SLC12A3: variants seen among roughly 807,000 people sequenced by gnomAD.
The protein encoded by SLC12A3 is solute carrier family 12 member 3, also known as Na-Cl cotransporter.
Under a neutral mutation model 121.0 loss-of-function variants are expected in SLC12A3, and 104 were observed. The observed-to-expected ratio is 0.86, with a 90% CI of 0.73 to 1.01. SLC12A3 has a LOEUF of 1.01. SLC12A3 is among the 50% of genes least tolerant of loss of function. The pLI is 0.00. For synonymous variants in SLC12A3, 536 were observed against 533.4 expected (o/e 1.00, Z -0.07); for missense variants, 1,328 against 1,356.3 (o/e 0.98, Z 0.33).
In SLC12A3 at chr16:56,915,400, T is replaced by C. The variant is rs1023957674; in HGVS notation, c.*1995T>C. On this transcript the variant is annotated 3_prime_UTR_variant, in exon 26 of 26. Transcript: ENST00000563236. ...GTTAGCATTTCTCAGGTCATCCCAC[T>C]GCAAAGCCCAGAAGGCTTGGGGCTC... The C allele has an allele frequency of 7.2e-5, 11 of 152,228 alleles. No homozygotes were observed. The highest frequency in any genetic ancestry group is 8.8e-5 in the Non-Finnish European group (6 of 68,048). The allele number at this position is 152,228 out of a possible 1,614,324, so 9.4% of individuals were successfully genotyped here.
chr16:56,883,437 C>A (rs545353631), intron 13 of SLC12A3, among the ~76,000 whole-genome samples: 2 of 151,840 alleles, frequency 1.3e-5, no homozygotes, highest in Admixed American at 6.6e-5. Context: ...CCCACCACCA[C>A]GCCCAGCTAA....
At position 56,905,136 on chromosome 16, in the gene SLC12A3, T is replaced by A. The variant is rs141503691; in HGVS notation, c.2924+674T>A. Reference sequence around the variant, plus strand: ...GGGCAGATCACCTGAGGTCGGGAGGTCGAGACCAGCCTGACCAACATGGAG... The same window carrying A: ...GGGCAGATCACCTGAGGTCGGGAGGACGAGACCAGCCTGACCAACATGGAG... On this transcript the variant is annotated intron_variant, in intron 25 of 25. Transcript: ENST00000563236. Among the ~76,000 whole-genome samples, 1,014 of 150,938 alleles carry A rather than the reference T, an allele frequency of 6.7e-3. 14 individuals carry two copies. Among genetic ancestry groups the A allele is most frequent in the African/African-American group, 0.023 (950 of 41,066 alleles).
intron 24 of SLC12A3, 132 bp downstream of exon 24, chr16:56,902,640 C>G: frequency 8.9e-7 from 1 of 1,124,212 alleles, no homozygotes. Flanking sequence ...CCTGAGGTAT[C>G]CTCAAGCCAC....
chr16:56,911,548 C>A (rs1291619219), intron 25 of SLC12A3, among the ~76,000 whole-genome samples: 6 of 152,160 alleles, frequency 3.9e-5, no homozygotes, highest in African/African-American at 1.4e-4. Context: ...TGGTCTCAAA[C>A]TCCTGGGCTC....
chr16:56,871,809 GC>G (rs2055100802), intron 6 of SLC12A3, among the ~76,000 whole-genome samples: 1 of 151,930 alleles, frequency 6.6e-6, no homozygotes, highest in Non-Finnish European at 1.5e-5. Context: ...TGCAACCTCC[GC>G]CTCCTCGTCT....
At chr16:56,907,272 A>G (rs2055620562) in intron 25 of SLC12A3, among the ~76,000 whole-genome samples, 1 of 152,196 alleles carries the variant, frequency 6.6e-6, no homozygotes, top group African/African-American at 2.4e-5. Context: ...CCTGGCCAAC[A>G]TGGTGAAACC....
chr16:56,882,524 G>C (rs1567435058), intron 13 of SLC12A3, 27 bp downstream of exon 13: 1 of 1,572,372 alleles, frequency 6.4e-7, no homozygotes, highest in South Asian at 1.1e-5. Flanking sequence ...CCCACCTCAG[G>C]AGGAGGCACC....
In SLC12A3 at chr16:56,893,069, TG is replaced by T. The variant is rs1453478907; in HGVS notation, c.2521+17del. On this transcript the variant is annotated intron_variant, in intron 21 of 25. Coordinates refer to ENST00000563236, the MANE Select transcript of SLC12A3 (RefSeq NM_001126108.2). Reference sequence around the variant, plus strand: ...TGACGATGGAGGTCAGTGACCCCCTTGGATCAGCCCTCCTGCCCGGCGGGGG... The same window carrying T: ...TGACGATGGAGGTCAGTGACCCCCTTGATCAGCCCTCCTGCCCGGCGGGGG... 6.2e-7 allele frequency: 1 copy of T among 1,606,018 alleles called. No homozygotes were observed. The highest frequency in any genetic ancestry group is 2.2e-5 in the East Asian group (1 of 44,820).
chr16:56,893,816 C>T (rs927245145), intron 21 of SLC12A3, among the ~76,000 whole-genome samples: 7 of 152,082 alleles, frequency 4.6e-5, no homozygotes, highest in East Asian at 1.9e-4. Flanking sequence ...CTTACTTTGT[C>T]GCCCAGGCTG....
chr16:56,870,228 T>C lies in SLC12A3; in HGVS notation c.734T>C (p.Leu245Pro), dbSNP rs777084341. 6 of 1,613,332 alleles carry C rather than the reference T, an allele frequency of 3.7e-6. No individual in the cohort carries two copies. Among genetic ancestry groups the C allele is most frequent in the East Asian group, 2.2e-5 (1 of 44,892 alleles). ...TVGFAETVRD[L>P]LQEYGAPIVD... is the part of the protein sequence containing the mutation. ...GGCTTTGCAGAGACCGTGCGGGACC[T>C]GCTCCAGGTGAGGCCGGGGGGCTGG... Residue 245 changes from leucine to proline, a missense_variant, in exon 5 of 26, where the codon CTG (leucine) becomes CCG (proline). By Grantham distance (98) the Leu-to-Pro change is moderately conservative (BLOSUM62 -3). Transcript: ENST00000563236.
Position 56,911,499 on chromosome 16 carries a change from A to AT in SLC12A3, c.2925-1759dup, listed in dbSNP as rs746611956. ...GCCATCATGCCCAGCTAATTTTTCTATTTTTTGTAAAGACAGGGTCTCACC... is the reference window on the plus strand; with the variant it reads ...GCCATCATGCCCAGCTAATTTTTCTATTTTTTTGTAAAGACAGGGTCTCACC... On this transcript the variant is annotated intron_variant, in intron 25 of 25. Transcript: ENST00000563236. 2.6e-5 allele frequency among the ~76,000 whole-genome samples: 4 copies of AT among 151,688 alleles called. No homozygotes were observed. In the East Asian group the frequency reaches 5.8e-4, roughly 22 times the overall value.
chr16:56,906,193 C>T (rs1464667391), intron 25 of SLC12A3, among the ~76,000 whole-genome samples: 1 of 152,210 alleles, frequency 6.6e-6, no homozygotes. Flanking sequence ...TATTTTCCCC[C>T]TACTTCTGTT....
chr16:56,885,150 C>G, intron 14 of SLC12A3, 115 bp from the exon 15 acceptor site: 1 of 747,408 alleles, frequency 1.3e-6, no homozygotes. Context: ...GCCCTGCTCC[C>G]ACGGGTGCCC....
rs886052156 is a variant in SLC12A3 at position 56,867,073 on chromosome 16, G to A, written c.286G>A (p.Glu96Lys). The change falls in exon 2 of 26, where the codon GAA becomes AAA. Residue 96 changes from glutamate (E) to lysine (K), a missense_variant. Transcript: ENST00000563236. ...LADLHSFLKQ[E>K]GRHLHALAFD... Reference sequence around the variant, plus strand: ...CTTGTGGTCTCTGGGCTGCCAGCAGGAAGGCAGACACCTGCATGCCCTGGC... The same window carrying A: ...CTTGTGGTCTCTGGGCTGCCAGCAGAAAGGCAGACACCTGCATGCCCTGGC... 1.2e-6 allele frequency: 2 copies of A among 1,612,730 alleles called. No individual in the cohort carries two copies. The highest frequency in any genetic ancestry group is 1.7e-6 in the Non-Finnish European group (2 of 1,180,026).
In SLC12A3 at chr16:56,912,076, G is replaced by A. The variant is rs138696161; in HGVS notation, c.2925-1188G>A. On this transcript the variant is annotated intron_variant, in intron 25 of 25. Transcript: ENST00000563236. ...CTCAGCGCTCCAGCATCCTCCTCCC[G>A]CCCCAGTTCTCCCACCTGTGAAGGA... 8.0e-3 allele frequency among the ~76,000 whole-genome samples: 1,215 copies of A among 152,346 alleles called. 4 individuals are homozygous for A. Among genetic ancestry groups the A allele is most frequent in the Non-Finnish European group, 0.014 (927 of 68,028 alleles).
intron 25 of SLC12A3, chr16:56,906,584 A>G: frequency 3.3e-6 from 1 of 298,968 alleles, no homozygotes; most frequent in Non-Finnish European, 6.3e-6. Flanking sequence ...CCAACTGACT[A>G]CTTCAGAGGA....
chr16:56,869,832 A>G lies in SLC12A3; in HGVS notation c.601+8A>G, dbSNP rs1406338833. 1.2e-6 allele frequency: 2 copies of G among 1,612,080 alleles called. No homozygotes were observed. Among genetic ancestry groups the G allele is most frequent in the Non-Finnish European group, 1.7e-6 (2 of 1,178,314 alleles). On this transcript the variant is annotated splice_region_variant and intron_variant, in intron 4 of 25. Transcript: ENST00000563236. ...ATGGCAAGGTCAAGTCAGGTGGGCC[A>G]TCCCCCTTTCCACCAAGGCCCTCCT...
At chr16:56,870,798 G>A in intron 6 of SLC12A3, 62 bp downstream of exon 6, 1 of 983,008 alleles carries the variant, frequency 1.0e-6, no homozygotes, top group African/African-American at 1.6e-5. Flanking sequence ...GGGGTTGCCA[G>A]GCCTGGGCCC....
chr16:56,913,356 T>C lies in SLC12A3; in HGVS notation c.3017T>C (p.Ile1006Thr), dbSNP rs1381710883. ...TLSQDLRPPV[I>T]LIRGNQENVL... Reference sequence around the variant, plus strand: ...TCCCAGGACCTCAGACCTCCAGTCATCCTGATCCGAGGAAACCAGGAAAAC... The same window carrying C: ...TCCCAGGACCTCAGACCTCCAGTCACCCTGATCCGAGGAAACCAGGAAAAC... Residue 1006 changes from isoleucine (I) to threonine (T), a missense_variant, in exon 26 of 26, where the codon ATC (isoleucine) becomes ACC (threonine). By Grantham distance (89) the Ile-to-Thr change is moderately conservative. Coordinates refer to ENST00000563236, the MANE Select transcript of SLC12A3 (RefSeq NM_001126108.2). The C allele has an allele frequency of 1.2e-6, 2 of 1,614,196 alleles. No homozygotes were observed. The highest frequency in any genetic ancestry group is 2.2e-5 in the South Asian group (2 of 91,084).
Sources: gnomAD v4.1 joint callset for allele counts (sites outside exome capture counted in the v4.1 genomes callset) on GRCh38, gnomAD v4.1.1 for gene constraint, MANE v1.5 for transcripts, NCBI Gene and HGNC (gene_info 2026-07-23, HGNC 2026-07-21) for gene names.